The following TMEM132D variants were observed in gnomAD, a reference collection of about 807,000 sequenced individuals.
TMEM132D encodes mature OL transmembrane protein.
Under a neutral mutation model 62.3 loss-of-function variants are expected in TMEM132D, and 21 were observed. The ratio of observed to expected loss-of-function variants is 0.34; its 90% CI spans 0.24 to 0.49. TMEM132D has a LOEUF of 0.49. Among genes scored for constraint, TMEM132D ranks in the 20% least tolerant of loss-of-function variants. The pLI, the probability that TMEM132D is intolerant of heterozygous loss-of-function variation, is 0.99. For missense variants in TMEM132D, 1,346 were observed against 1,402.8 expected, an observed-to-expected ratio of 0.96 and a Z score of 0.65; for synonymous variants, 621 against 575.6, an observed-to-expected ratio of 1.08 and a Z score of -1.13.
intron 5 of TMEM132D, among the ~76,000 whole-genome samples, chr12:129,142,977 G>A (rs1038514484): frequency 8.5e-5 from 13 of 152,140 alleles, no homozygotes; most frequent in Non-Finnish European, 1.6e-4. Context: ...GTTTTCCTCT[G>A]CTCTAATCAA....
rs79859453 is a variant in TMEM132D, at chr12:129,325,997, C to T, written c.1299+11637G>A. ...GGCATCATGAGTGCTGGAGGCCCCCCGGGACTCTGAAAGGATGGAAGGCTA... is the reference window on the plus strand; with the variant it reads ...GGCATCATGAGTGCTGGAGGCCCCCTGGGACTCTGAAAGGATGGAAGGCTA... On this transcript the variant is annotated intron_variant, in intron 4 of 8. Coordinates refer to ENST00000422113, the MANE Select transcript of TMEM132D (RefSeq NM_133448.3). 7.8e-3 allele frequency among the ~76,000 whole-genome samples: 1,181 copies of T among 152,250 alleles called. 14 individuals carry two copies. Among genetic ancestry groups the T allele is most frequent in the African/African-American group, 0.025 (1,045 of 41,548 alleles).
At position 129,776,749 on chromosome 12, in the gene TMEM132D, C is replaced by T. The variant is rs77841095; in HGVS notation, c.80-76051G>A. Reference sequence around the variant, plus strand: ...ACTAGGAAAGAAATAGTGGCAACGACATGTCAGGTCTGTAGCTACATTTTT... The same window carrying T: ...ACTAGGAAAGAAATAGTGGCAACGATATGTCAGGTCTGTAGCTACATTTTT... On this transcript the variant is annotated intron_variant, in intron 1 of 8. Coordinates refer to ENST00000422113, the MANE Select transcript of TMEM132D (RefSeq NM_133448.3). 5.5e-3 allele frequency among the ~76,000 whole-genome samples: 716 copies of T among 129,984 alleles called. 10 individuals are homozygous for T. The highest frequency in any genetic ancestry group is 0.04 in the East Asian group (167 of 4,176). 85.3% of individuals were successfully genotyped at this position (129,984 alleles called of 152,430 possible). A position where few individuals can be genotyped will look rare whatever the true frequency, so the allele number is the denominator to read the frequency against.
At chr12:129,415,703 G>T (rs1872097641) in intron 3 of TMEM132D, among the ~76,000 whole-genome samples, 1 of 152,188 alleles carries the variant, frequency 6.6e-6, no homozygotes, top group Admixed American at 6.5e-5. Context: ...CAATGATGTT[G>T]TCTATCTCGG....
chr12:129,664,080 T>C (rs1880312174), intron 2 of TMEM132D, among the ~76,000 whole-genome samples: 1 of 152,204 alleles, frequency 6.6e-6, no homozygotes, highest in Non-Finnish European at 1.5e-5. Context: ...GACTATTTCA[T>C]TTCTATTTTT....
At chr12:129,729,809 C>A (rs77650766) in intron 1 of TMEM132D, among the ~76,000 whole-genome samples, 8,444 of 152,186 alleles carry the variant, frequency 0.055, 324 homozygotes, top group African/African-American at 0.1. Context: ...GTTTTAATCG[C>A]CAGAACCTGA....
intron 5 of TMEM132D, among the ~76,000 whole-genome samples, chr12:129,114,710 C>T (rs1394284471): frequency 1.3e-5 from 2 of 152,122 alleles, no homozygotes; most frequent in African/African-American, 4.8e-5. Flanking sequence ...TAAACTCTAA[C>T]CTGCTTTCTA....
At chr12:129,500,022 G>A (rs1593039351) in intron 3 of TMEM132D, among the ~76,000 whole-genome samples, 1 of 136,988 alleles carries the variant, frequency 7.3e-6, no homozygotes, top group East Asian at 2.3e-4. Flanking sequence ...GAGTGGGGAG[G>A]CAGTTCACCT....
At chr12:129,666,040 G>A (rs554193545) in intron 2 of TMEM132D, among the ~76,000 whole-genome samples, 18 of 152,210 alleles carry the variant, frequency 1.2e-4, no homozygotes, top group Admixed American at 7.9e-4. Context: ...GGGTTGCCTC[G>A]CAATGAAATA....
intron 2 of TMEM132D, among the ~76,000 whole-genome samples, chr12:129,539,117 G>A (rs1018834303): frequency 1.3e-5 from 2 of 152,154 alleles, no homozygotes; most frequent in African/African-American, 2.4e-5. Flanking sequence ...GGAGGGTTGC[G>A]AGTACAGGAC....
intron 3 of TMEM132D, among the ~76,000 whole-genome samples, chr12:129,442,189 A>G (rs1872956729): frequency 6.6e-6 from 1 of 152,244 alleles, no homozygotes; most frequent in Non-Finnish European, 1.5e-5. Flanking sequence ...CATTGGCCAA[A>G]TCTTTCCAGC....
At chr12:129,369,969 G>A (rs900262) in intron 3 of TMEM132D, among the ~76,000 whole-genome samples, 8,018 of 152,236 alleles carry the variant, frequency 0.053, 419 homozygotes, top group East Asian at 0.21. Context: ...CACAGCCAGC[G>A]TGGGACAGTG....
chr12:129,837,805 A>T (rs1420523672), intron 1 of TMEM132D, among the ~76,000 whole-genome samples: 1 of 152,196 alleles, frequency 6.6e-6, no homozygotes, highest in African/African-American at 2.4e-5. Context: ...GCCTCTCCGG[A>T]GCCCACGAAA....
rs112280815 is a variant in TMEM132D at position 129,115,439 on chromosome 12, G to T, written c.1444-30737C>A. Among the ~76,000 whole-genome samples the T allele has an allele frequency of 7.4e-3, 1,127 of 152,270 alleles. 15 individuals are homozygous for T. The highest frequency in any genetic ancestry group is 0.025 in the African/African-American group (1,048 of 41,532). ...GGGTCTAGGGGAACTAGAAGGCTGTGGATATGAGAGAGGCACTGCTTGTTC... is the reference window on the plus strand; with the variant it reads ...GGGTCTAGGGGAACTAGAAGGCTGTTGATATGAGAGAGGCACTGCTTGTTC... On this transcript the variant is annotated intron_variant, in intron 5 of 8. Transcript: ENST00000422113.
At chr12:129,257,639 A>G (rs1256159679) in intron 4 of TMEM132D, among the ~76,000 whole-genome samples, 3 of 152,138 alleles carry the variant, frequency 2.0e-5, no homozygotes, top group African/African-American at 7.2e-5. Flanking sequence ...CTGGCCAGTC[A>G]GGGCTTTGCA....
intron 3 of TMEM132D, among the ~76,000 whole-genome samples, chr12:129,495,014 G>C (rs899664190): frequency 2.6e-5 from 4 of 152,152 alleles, no homozygotes; most frequent in African/African-American, 7.2e-5. Context: ...AGGGAAGCCC[G>C]GTGAGTTAGG....
intron 3 of TMEM132D, among the ~76,000 whole-genome samples, chr12:129,450,598 A>G (rs927639289): frequency 3.3e-5 from 5 of 152,258 alleles, no homozygotes; most frequent in Non-Finnish European, 5.9e-5. Context: ...TTCAAAAAAT[A>G]TTGACATTTA....
At chr12:129,120,728 G>T (rs1224392895) in intron 5 of TMEM132D, among the ~76,000 whole-genome samples, 1 of 152,156 alleles carries the variant, frequency 6.6e-6, no homozygotes, top group African/African-American at 2.4e-5. Context: ...TTGCATGATT[G>T]TTACATAAAT....
At chr12:129,183,868 G>T (rs12830202) in intron 5 of TMEM132D, among the ~76,000 whole-genome samples, 1 of 152,046 alleles carries the variant, frequency 6.6e-6, no homozygotes, top group Admixed American at 6.5e-5. Context: ...GGGCATGGAC[G>T]ATTCTTTGGA....
intron 4 of TMEM132D, among the ~76,000 whole-genome samples, chr12:129,315,725 A>C (rs1287350053): frequency 1.3e-5 from 2 of 152,020 alleles, no homozygotes; most frequent in East Asian, 3.9e-4. Context: ...ATTGCTACCA[A>C]TTCGTTTAAT....
Sources: allele counts gnomAD v4.1 joint callset (sites outside exome capture counted in the v4.1 genomes callset), GRCh38; gene constraint gnomAD v4.1.1; transcripts MANE v1.5; gene names NCBI Gene and HGNC (gene_info 2026-07-23, HGNC 2026-07-21).